Variants in PLPPR1 observed in about 807,000 individuals in gnomAD.
PLPPR1 encodes the protein phospholipid phosphatase related 1, also known as phospholipid phosphatase-related protein type 1.
A neutral mutation model predicts 33.1 loss-of-function variants in PLPPR1; 10 were observed. The observed-to-expected ratio is 0.30, with a 90% CI of 0.19 to 0.51. PLPPR1 has a LOEUF of 0.51. PLPPR1 is among the 20% of genes least tolerant of loss of function. PLPPR1 has a pLI of 0.97. For missense variants in PLPPR1, 304 were observed against 408.1 expected, an observed-to-expected ratio of 0.74 and a Z score of 2.20; for synonymous variants, 151 against 151.0, an observed-to-expected ratio of 1.00 and a Z score of 0.00.
At chr9:101,295,824 C>T (rs1450012616) in intron 4 of PLPPR1, among the ~76,000 whole-genome samples, 2 of 151,284 alleles carry the variant, frequency 1.3e-5, no homozygotes, top group Non-Finnish European at 3.0e-5. Flanking sequence ...AAGACTTAAA[C>T]GTTAGACCTA....
At chr9:101,041,468 T>C (rs1830077754) in intron 1 of PLPPR1, among the ~76,000 whole-genome samples, 1 of 152,216 alleles carries the variant, frequency 6.6e-6, no homozygotes, top group South Asian at 2.1e-4. Context: ...TTAGGACATA[T>C]ACCTTCTTAT....
At chr9:101,071,568 A>G (rs1264469601) in intron 1 of PLPPR1, among the ~76,000 whole-genome samples, 1 of 151,168 alleles carries the variant, frequency 6.6e-6, no homozygotes, top group Admixed American at 6.6e-5. Flanking sequence ...AACTTGGAGA[A>G]ACAGAAAAAA....
intron 3 of PLPPR1, among the ~76,000 whole-genome samples, chr9:101,271,346 T>C (rs1166706378): frequency 1.3e-5 from 2 of 152,194 alleles, no homozygotes; most frequent in Non-Finnish European, 2.9e-5. Flanking sequence ...GCCTGGCATT[T>C]ACGAAGTGTT....
In PLPPR1 at chr9:101,180,094, T is replaced by A. The variant is rs559141334; in HGVS notation, c.-45-5356T>A. ...GAGTTAATACTTAATAAACTCTCCT[T>A]TATATATATATATATATATATATAT... is the stretch of plus-strand genomic sequence containing the variant. On this transcript the variant is annotated intron_variant, in intron 1 of 7. Transcript: ENST00000374874. Among the ~76,000 whole-genome samples, 37 of 62,006 alleles carry A rather than the reference T, an allele frequency of 6.0e-4. 1 individual carries two copies. The highest frequency in any genetic ancestry group is 1.1e-3 in the African/African-American group (17 of 15,974). 40.7% of individuals were successfully genotyped at this position (62,006 alleles called of 152,430 possible). A position where few individuals can be genotyped will look rare whatever the true frequency, so the allele number is the denominator to read the frequency against.
chr9:101,256,369 G>A (rs930684448), intron 2 of PLPPR1, among the ~76,000 whole-genome samples: 12 of 152,096 alleles, frequency 7.9e-5, no homozygotes, highest in South Asian at 2.1e-4. Flanking sequence ...AGAAATATAC[G>A]TAAGTCTTTT....
intron 1 of PLPPR1, among the ~76,000 whole-genome samples, chr9:101,172,191 G>A (rs1825952636): frequency 6.6e-6 from 1 of 152,052 alleles, no homozygotes; most frequent in African/African-American, 2.4e-5. Flanking sequence ...CCTGGGCCAT[G>A]GGTCGTGCTG....
intron 1 of PLPPR1, among the ~76,000 whole-genome samples, chr9:101,137,405 A>G (rs1831389665): frequency 6.6e-6 from 1 of 152,214 alleles, no homozygotes; most frequent in Non-Finnish European, 1.5e-5. Context: ...ATAGTTGGAT[A>G]GGAATCGATG....
At chr9:101,070,491 C>T (rs573386773) in intron 1 of PLPPR1, among the ~76,000 whole-genome samples, 4 of 152,124 alleles carry the variant, frequency 2.6e-5, no homozygotes, top group African/African-American at 9.6e-5. Context: ...GTCTTGGTGG[C>T]TGAAGCAGAG....
chr9:101,245,045 G>T (rs1857028), intron 2 of PLPPR1, among the ~76,000 whole-genome samples: 8,278 of 151,992 alleles, frequency 0.054, 315 homozygotes, highest in South Asian at 0.18. Context: ...CCTGTGAGTA[G>T]TTAAGAATTC....
chr9:101,211,738 G>C (rs1402219616), intron 2 of PLPPR1, among the ~76,000 whole-genome samples: 1 of 152,172 alleles, frequency 6.6e-6, no homozygotes, highest in African/African-American at 2.4e-5. Flanking sequence ...TAGTCTTTTG[G>C]ACAGAAGGAG....
intron 1 of PLPPR1, among the ~76,000 whole-genome samples, chr9:101,175,522 G>A (rs1265149750): frequency 1.3e-5 from 2 of 151,992 alleles, no homozygotes; most frequent in African/African-American, 4.8e-5. Context: ...ATTCTTTGGC[G>A]CCACCATTAT....
intron 1 of PLPPR1, among the ~76,000 whole-genome samples, chr9:101,093,050 G>A (rs1830767174): frequency 6.6e-6 from 1 of 152,144 alleles, no homozygotes; most frequent in Non-Finnish European, 1.5e-5. Context: ...TTAAGCTACT[G>A]CTACCGAGCC....
chr9:101,175,669 C>T (rs1301606139), intron 1 of PLPPR1, among the ~76,000 whole-genome samples: 10 of 152,124 alleles, frequency 6.6e-5, no homozygotes. Flanking sequence ...TAATGGGATA[C>T]CTGGCATAAT....
At chr9:101,149,794 C>T (rs763715363) in intron 1 of PLPPR1, among the ~76,000 whole-genome samples, 10 of 152,060 alleles carry the variant, frequency 6.6e-5, no homozygotes, top group Non-Finnish European at 1.5e-4. Flanking sequence ...TCAGGCTTTC[C>T]TAGGGAAAGA....
chr9:101,238,142 CAT>C (rs1264012375), intron 2 of PLPPR1, among the ~76,000 whole-genome samples: 6 of 136,150 alleles, frequency 4.4e-5, no homozygotes, highest in East Asian at 2.3e-4. Flanking sequence ...CATATACACA[CAT>C]ATATATACAT....
chr9:101,162,815 T>G (rs1216709969), intron 1 of PLPPR1, among the ~76,000 whole-genome samples: 1 of 152,194 alleles, frequency 6.6e-6, no homozygotes, highest in African/African-American at 2.4e-5. Context: ...CTGTGGGGAA[T>G]GCAGTTAATT....
At chr9:101,148,639 G>C (rs537479831) in intron 1 of PLPPR1, among the ~76,000 whole-genome samples, 1 of 151,896 alleles carries the variant, frequency 6.6e-6, no homozygotes, top group Non-Finnish European at 1.5e-5. Flanking sequence ...AAGATTTTTT[G>C]CCAGATTATT....
At chr9:101,208,104 A>G (rs1176034962) in intron 2 of PLPPR1, among the ~76,000 whole-genome samples, 1 of 152,196 alleles carries the variant, frequency 6.6e-6, no homozygotes, top group Non-Finnish European at 1.5e-5. Context: ...TGGTTAGCCA[A>G]GTCTCACTAC....
chr9:101,192,321 TTTA>T (rs1245016678), intron 2 of PLPPR1, among the ~76,000 whole-genome samples: 2 of 152,220 alleles, frequency 1.3e-5, no homozygotes, highest in Non-Finnish European at 2.9e-5. Flanking sequence ...AAAGAGGCTT[TTTA>T]AAAACTCTGC....
Sources: allele counts gnomAD v4.1 joint callset (sites outside exome capture counted in the v4.1 genomes callset), GRCh38; gene constraint gnomAD v4.1.1; transcripts MANE v1.5; gene names NCBI Gene and HGNC (gene_info 2026-07-23, HGNC 2026-07-21).